Variants in LRRC49 observed in about 807,000 individuals in gnomAD.
LRRC49 encodes the protein leucine rich repeat containing 49.
A neutral mutation model predicts 83.3 loss-of-function variants in LRRC49; 50 were observed. That is an observed-to-expected ratio of 0.60 (90% confidence interval 0.48 to 0.76). LRRC49 has a LOEUF of 0.76. Ranked by LOEUF, LRRC49 falls within the 30% of genes least tolerant of loss-of-function variation. The pLI is 0.00. For synonymous variants in LRRC49, 286 were observed against 283.3 expected (o/e 1.01, Z -0.10); for missense variants, 704 against 809.1 (o/e 0.87, Z 1.58).
intron 3 of LRRC49, among the ~76,000 whole-genome samples, chr15:70,899,888 A>T (rs2033997678): frequency 6.6e-6 from 1 of 152,058 alleles, no homozygotes; most frequent in Non-Finnish European, 1.5e-5. Flanking sequence ...CTTTCAGAAG[A>T]TTTTCTTTTC....
chr15:70,892,162 C>T (rs372618796), upstream of LRRC49: 1 of 1,612,266 alleles, frequency 6.2e-7, no homozygotes, highest in African/African-American at 1.3e-5. Context: ...GGCAACCCCG[C>T]ACGAAGCGGT....
Position 70,900,953 on chromosome 15 carries a change from G to T in LRRC49, c.225G>T (p.Leu75Phe). The T allele has an allele frequency of 1.9e-6, 3 of 1,609,414 alleles. No homozygotes were observed. Among genetic ancestry groups the T allele is most frequent in the Non-Finnish European group, 2.5e-6 (3 of 1,176,964 alleles). Residue 75 changes from leucine to phenylalanine, a missense_variant, in exon 4 of 16, where the codon TTG becomes TTT. This residue lies in a region of LRRC49 where 261 missense variants were observed against 330.5 expected (regional missense o/e 0.79). Coordinates refer to ENST00000260382, the MANE Select transcript of LRRC49 (RefSeq NM_017691.5). ...ATATTAATTTGGTGAGCTCATCATT[G>T]TCATCATTTCCTATTCTTCAACGTT... ...GDHINLVSSS[L>F]SSFPILQRSS...
At chr15:70,900,789 A>G (rs1230476480) in intron 3 of LRRC49, 133 bp from the exon 4 acceptor site, 3 of 623,796 alleles carry the variant, frequency 4.8e-6, no homozygotes, top group Non-Finnish European at 8.6e-6. Context: ...AATTTCAAAT[A>G]TGGAGAGCTA....
At chr15:70,853,813 G>T in intron 1 of LRRC49, 2 of 1,063,986 alleles carry the variant, frequency 1.9e-6, no homozygotes, top group Non-Finnish European at 2.4e-6. Flanking sequence ...GTTGTCGCGC[G>T]CAGTCAGCGC....
intron 15 of LRRC49, among the ~76,000 whole-genome samples, chr15:71,043,366 A>G (rs1186238698): frequency 6.6e-6 from 1 of 152,232 alleles, no homozygotes; most frequent in Non-Finnish European, 1.5e-5. Context: ...ACAATATTGT[A>G]TATAGTTTAT....
In LRRC49 at chr15:70,859,525, C is replaced by T. The variant is rs1001190926; in HGVS notation, c.-299+6056C>T. ...TCAAGGTGCAGTAGGAGGAGATTGC[C>T]AACCGCAGCCAGGCGGAGGCTGAGA... On this transcript the variant is annotated intron_variant, in intron 1 of 16. Transcript: ENST00000544974. 3.8e-5 allele frequency: 26 copies of T among 678,342 alleles called. No individual in the cohort carries two copies. In the African/African-American group the frequency reaches 4.6e-4, roughly 12 times the overall value. 42.0% of individuals were successfully genotyped at this position (678,342 alleles called of 1,614,324 possible). A position where few individuals can be genotyped will look rare whatever the true frequency, so the allele number is the denominator to read the frequency against.
At chr15:70,887,173 T>G (rs1183455721) in intron 2 of LRRC49, among the ~76,000 whole-genome samples, 1 of 152,026 alleles carries the variant, frequency 6.6e-6, no homozygotes, top group Non-Finnish European at 1.5e-5. Flanking sequence ...TATCAATGAG[T>G]TCTACCAAAT....
At chr15:70,976,399 A>G (rs2037208421) in intron 9 of LRRC49, among the ~76,000 whole-genome samples, 1 of 152,246 alleles carries the variant, frequency 6.6e-6, no homozygotes, top group Non-Finnish European at 1.5e-5. Flanking sequence ...CAAAGAAAAT[A>G]ATGTTTATAA....
rs2036831821 is a variant in LRRC49 at position 70,967,433 on chromosome 15, CAGAGTA to C, written c.921+3507_921+3512del. ...TGAGATGAGAAGCAAGGAGATTAAT[CAGAGTA>C]AGAGTCTGGGAATCTGATCCAGAGG... On this transcript the variant is annotated intron_variant, in intron 9 of 15. Transcript: ENST00000260382. Among the ~76,000 whole-genome samples the C allele has an allele frequency of 7.2e-5, 11 of 152,020 alleles. No individual in the cohort carries two copies. In the South Asian group the frequency reaches 2.1e-3, roughly 29 times the overall value.
At chr15:70,886,342 T>C (rs2033407027) in intron 2 of LRRC49, among the ~76,000 whole-genome samples, 1 of 152,202 alleles carries the variant, frequency 6.6e-6, no homozygotes, top group Non-Finnish European at 1.5e-5. Flanking sequence ...ACCACTTTAC[T>C]GAATTCTACA....
chr15:70,895,635 C>A (rs1489827630), intron 2 of LRRC49: 2 of 441,530 alleles, frequency 4.5e-6, no homozygotes, highest in Non-Finnish European at 8.0e-6. Context: ...TCCCTGCTTC[C>A]CTTAAATGCC....
intron 14 of LRRC49, among the ~76,000 whole-genome samples, chr15:71,035,124 A>G (rs67797861): frequency 0.32 from 48,361 of 151,970 alleles, 8,461 homozygotes; most frequent in Admixed American, 0.4. Context: ...TAACTATCCT[A>G]TAAGAGGAAC....
intron 1 of LRRC49, 196 bp downstream of exon 1, chr15:70,893,138 T>A: frequency 1.6e-6 from 1 of 642,982 alleles, no homozygotes; most frequent in East Asian, 2.7e-5. Context: ...CAAAGTCTTG[T>A]CCAGGATCTG....
chr15:70,872,707 GAGACC>G (rs1467102092), intron 1 of LRRC49, among the ~76,000 whole-genome samples: 3 of 151,998 alleles, frequency 2.0e-5, no homozygotes, highest in Non-Finnish European at 4.4e-5. Flanking sequence ...AGAGAAAATT[GAGACC>G]AGACAAGTTC....
At position 70,980,119 on chromosome 15, in the gene LRRC49, G is replaced by A. The variant is rs189232824; in HGVS notation, c.940G>A (p.Ala314Thr). 4.7e-5 allele frequency: 76 copies of A among 1,610,416 alleles called. 1 individual carries two copies. In the Admixed American group the frequency reaches 6.7e-4, roughly 14 times the overall value. The stretch of plus-strand genomic sequence containing the variant: ...CTTTTAGGAAGAAGAAAGGCGTATG[G>A]CATCTGTTTTAGCCAAAAAAGAGGA... ...KRITEEERRM[A>T]SVLAKKEEEK... The change falls in exon 10 of 16, where the codon GCA (alanine) becomes ACA (threonine). Residue 314 changes from alanine (A) to threonine (T), a missense_variant. This residue lies in a region of LRRC49 where 168 missense variants were observed against 140.6 expected (regional missense o/e 1.20). Coordinates refer to ENST00000260382, the MANE Select transcript of LRRC49 (RefSeq NM_017691.5).
At chr15:70,880,558 CAATAT>C (rs2033243256) in intron 2 of LRRC49, among the ~76,000 whole-genome samples, 3 of 152,124 alleles carry the variant, frequency 2.0e-5, no homozygotes, top group African/African-American at 7.2e-5. Context: ...AAAAATCAAA[CAATAT>C]AATATAAACT....
intron 11 of LRRC49, among the ~76,000 whole-genome samples, chr15:71,005,765 TGAAA>T (rs1374318997): frequency 6.6e-6 from 1 of 152,090 alleles, no homozygotes; most frequent in Non-Finnish European, 1.5e-5. Flanking sequence ...GTTTGGTGAA[TGAAA>T]GAAAGAAAGA....
At chr15:70,957,901 T>C (rs867077876) in intron 8 of LRRC49, among the ~76,000 whole-genome samples, 5 of 152,196 alleles carry the variant, frequency 3.3e-5, no homozygotes, top group African/African-American at 9.6e-5. Flanking sequence ...ATATATTTTT[T>C]ATAGTTTAAA....
At chr15:70,995,106 A>C (rs1370690484) in intron 11 of LRRC49, among the ~76,000 whole-genome samples, 1 of 152,202 alleles carries the variant, frequency 6.6e-6, no homozygotes, top group Non-Finnish European at 1.5e-5. Context: ...GAACAAAGAG[A>C]CAAGGGATCA....
Sources: gnomAD v4.1 joint callset for allele counts (sites outside exome capture counted in the v4.1 genomes callset) on GRCh38, gnomAD v4.1.1 for gene constraint, gnomAD v4.1.1 regional missense constraint, MANE v1.5 for transcripts, NCBI Gene and HGNC (gene_info 2026-07-23, HGNC 2026-07-21) for gene names.